PTPRD: variants seen among roughly 807,000 people sequenced by gnomAD.
PTPRD encodes protein tyrosine phosphatase receptor type D.
In PTPRD, 34 loss-of-function variants were observed where a neutral mutation model predicts 214.5. That is an observed-to-expected ratio of 0.16 (90% CI 0.12 to 0.21). PTPRD has a LOEUF of 0.21. PTPRD is among the 10% of genes least tolerant of loss of function. PTPRD has a pLI of 1.00. For missense variants in PTPRD, 2,545 were observed against 2,398.7 expected (o/e 1.06, Z -1.27); for synonymous variants, 1,128 against 845.7 (o/e 1.33, Z -5.79).
intron 3 of PTPRD, among the ~76,000 whole-genome samples, chr9:10,087,421 T>C (rs564688421): frequency 1.3e-3 from 190 of 151,778 alleles, no homozygotes; most frequent in Non-Finnish European, 2.2e-3. Flanking sequence ...GTTTTTACAC[T>C]ATCTATTGAA....
chr9:8,354,231 C>T (rs7870907), intron 39 of PTPRD, among the ~76,000 whole-genome samples: 137,586 of 151,918 alleles, frequency 0.91, 62,353 homozygotes, highest in African/African-American at 0.93. Flanking sequence ...GTGCTAGAAT[C>T]CATAGTTCAT....
intron 2 of PTPRD, among the ~76,000 whole-genome samples, chr9:10,435,956 T>C (rs1335165353): frequency 6.6e-6 from 1 of 151,842 alleles, no homozygotes; most frequent in African/African-American, 2.4e-5. Context: ...GTTTCAAAAA[T>C]GGACATACAC....
At chr9:8,717,703 T>G (rs752282409) in intron 12 of PTPRD, among the ~76,000 whole-genome samples, 4 of 152,212 alleles carry the variant, frequency 2.6e-5, no homozygotes, top group Non-Finnish European at 4.4e-5. Context: ...ATTAAATTAG[T>G]TGGTGTGGGG....
At chr9:10,446,191 G>T (rs2098797780) in intron 2 of PTPRD, among the ~76,000 whole-genome samples, 1 of 151,964 alleles carries the variant, frequency 6.6e-6, no homozygotes, top group African/African-American at 2.4e-5. Context: ...AGATAAAAAT[G>T]AAGAAAGCTA....
intron 3 of PTPRD, among the ~76,000 whole-genome samples, chr9:10,039,076 C>G (rs2097248755): frequency 6.6e-6 from 1 of 152,028 alleles, no homozygotes; most frequent in Non-Finnish European, 1.5e-5. Context: ...AAAAGATGTA[C>G]AGGCATGTAC....
intron 44 of PTPRD, among the ~76,000 whole-genome samples, chr9:8,323,283 C>T (rs1186483897): frequency 6.6e-6 from 1 of 152,168 alleles, no homozygotes; most frequent in African/African-American, 2.4e-5. Context: ...GTTCTCATGC[C>T]TGTGAACACA....
intron 2 of PTPRD, among the ~76,000 whole-genome samples, chr9:10,584,199 G>GA (rs901784494): frequency 2.9e-4 from 42 of 147,312 alleles, no homozygotes; most frequent in African/African-American, 6.8e-4. Flanking sequence ...AAAAAAGAAA[G>GA]AAAAAAAAAG....
chr9:9,787,917 G>A (rs548917014), intron 5 of PTPRD, among the ~76,000 whole-genome samples: 2 of 151,884 alleles, frequency 1.3e-5, no homozygotes, highest in South Asian at 4.2e-4. Context: ...AAGTAGCTGG[G>A]ACTACAGGCG....
chr9:8,761,342 A>G (rs1213465415), intron 11 of PTPRD, among the ~76,000 whole-genome samples: 2 of 152,182 alleles, frequency 1.3e-5, no homozygotes, highest in African/African-American at 4.8e-5. Flanking sequence ...AATTTGATAA[A>G]GTGATAACAT....
At chr9:9,302,537 T>A (rs1180690696) in intron 9 of PTPRD, among the ~76,000 whole-genome samples, 1 of 151,328 alleles carries the variant, frequency 6.6e-6, no homozygotes, top group Non-Finnish European at 1.5e-5. Context: ...CCTTCCCCAC[T>A]CTCCCACTTT....
intron 3 of PTPRD, among the ~76,000 whole-genome samples, chr9:10,051,266 T>G (rs200528655): frequency 7.5e-4 from 114 of 152,238 alleles, no homozygotes; most frequent in Middle Eastern, 3.4e-3. Context: ...TAGCTATCAT[T>G]TGGTAATTAT....
At chr9:9,950,646 C>CG (rs2093360763) in intron 4 of PTPRD, among the ~76,000 whole-genome samples, 1 of 52,438 alleles carries the variant, frequency 1.9e-5, no homozygotes, top group Non-Finnish European at 2.8e-5. Flanking sequence ...ATGGCGTGAA[C>CG]CCCAGGGGGC....
chr9:8,598,225 G>A (rs954000487), intron 14 of PTPRD, among the ~76,000 whole-genome samples: 3 of 152,104 alleles, frequency 2.0e-5, no homozygotes, highest in Admixed American at 6.6e-5. Context: ...GCCGAGGAGG[G>A]CAGATCACCT....
intron 9 of PTPRD, among the ~76,000 whole-genome samples, chr9:9,250,444 G>A (rs2099975016): frequency 6.6e-6 from 1 of 152,144 alleles, no homozygotes; most frequent in Admixed American, 6.6e-5. Flanking sequence ...TTATAGTTAG[G>A]TGAGACAAGG....
chr9:9,805,819 A>G (rs2099069544), intron 5 of PTPRD, among the ~76,000 whole-genome samples: 1 of 152,204 alleles, frequency 6.6e-6, no homozygotes, highest in Non-Finnish European at 1.5e-5. Flanking sequence ...AACTCAGAAA[A>G]ATACTCCTAT....
chr9:9,283,734 G>C (rs1247639300), intron 9 of PTPRD, among the ~76,000 whole-genome samples: 1 of 151,510 alleles, frequency 6.6e-6, no homozygotes, highest in Admixed American at 6.6e-5. Context: ...CATGAAATGA[G>C]TCTTGCTGCT....
intron 30 of PTPRD, among the ~76,000 whole-genome samples, chr9:8,480,588 G>A (rs1329711336): frequency 6.6e-6 from 1 of 152,100 alleles, no homozygotes; most frequent in Non-Finnish European, 1.5e-5. Context: ...ATATGTCTAT[G>A]GCCTTGATGG....
At chr9:10,164,520 T>C (rs549952565) in intron 3 of PTPRD, among the ~76,000 whole-genome samples, 12 of 151,684 alleles carry the variant, frequency 7.9e-5, no homozygotes, top group Admixed American at 2.0e-4. Flanking sequence ...GAAGATCTAA[T>C]TGAGTGTGCT....
intron 6 of PTPRD, among the ~76,000 whole-genome samples, chr9:9,748,167 TG>T: frequency 6.6e-6 from 1 of 152,228 alleles, no homozygotes; most frequent in Admixed American, 6.5e-5. Flanking sequence ...CTGTGTTTTC[TG>T]AACTTGGTGC....
Sources: allele counts gnomAD v4.1 joint callset (sites outside exome capture counted in the v4.1 genomes callset), GRCh38; gene constraint gnomAD v4.1.1; transcripts MANE v1.5; gene names NCBI Gene and HGNC (gene_info 2026-07-23, HGNC 2026-07-21).